ERC1: variants seen among roughly 807,000 people sequenced by gnomAD.
The protein encoded by ERC1 is ELKS/RAB6-interacting/CAST family member 1.
A neutral mutation model predicts 132.0 loss-of-function variants in ERC1; 56 were observed. The observed-to-expected ratio is 0.42, with a 90% confidence interval of 0.34 to 0.53. The LOEUF is 0.53. Among genes scored for constraint, ERC1 ranks in the 20% least tolerant of loss-of-function variants. The pLI, the probability that ERC1 is intolerant of heterozygous loss-of-function variation, is 0.03. For synonymous variants in ERC1, 478 were observed against 476.1 expected (o/e 1.00, Z -0.05); for missense variants, 1,202 against 1,349.9 (o/e 0.89, Z 1.72).
chr12:1,127,184 G>A (rs960135508), intron 7 of ERC1, among the ~76,000 whole-genome samples: 1 of 152,068 alleles, frequency 6.6e-6, no homozygotes, highest in Non-Finnish European at 1.5e-5. Context: ...TCATCAAATT[G>A]ATAAAAATTA....
intron 15 of ERC1, among the ~76,000 whole-genome samples, chr12:1,290,879 AT>A (rs1445909223): frequency 1.3e-5 from 2 of 152,130 alleles, no homozygotes; most frequent in Non-Finnish European, 2.9e-5. Context: ...TCTGTCACAG[AT>A]TTCAAGTCCC....
At chr12:1,053,579 A>G (rs148312744) in intron 2 of ERC1, among the ~76,000 whole-genome samples, 77 of 152,318 alleles carry the variant, frequency 5.1e-4, no homozygotes, top group Middle Eastern at 3.4e-3. Flanking sequence ...TATAGCTTCA[A>G]TTGTCCTCCC....
chr12:1,002,901 C>T (rs984696982), intron 1 of ERC1, among the ~76,000 whole-genome samples: 1 of 151,326 alleles, frequency 6.6e-6, no homozygotes, highest in Non-Finnish European at 1.5e-5. Flanking sequence ...ATGACCCCTT[C>T]TTTGGTTATT....
chr12:1,305,469 C>T (rs2080807999), intron 15 of ERC1, among the ~76,000 whole-genome samples: 1 of 152,142 alleles, frequency 6.6e-6, no homozygotes, highest in African/African-American at 2.4e-5. Flanking sequence ...GGATCTCCTC[C>T]CTAAGGCTTA....
intron 7 of ERC1, 90 bp from the exon 8 acceptor site, chr12:1,141,530 C>A: frequency 9.4e-7 from 1 of 1,066,340 alleles, no homozygotes; most frequent in Non-Finnish European, 1.3e-6. Flanking sequence ...CAAAACTCAA[C>A]CTCTTTATAA....
intron 12 of ERC1, among the ~76,000 whole-genome samples, chr12:1,225,230 G>T (rs530522138): frequency 1.3e-5 from 2 of 151,692 alleles, no homozygotes; most frequent in South Asian, 4.2e-4. Context: ...AGTCTGAGAC[G>T]AGAGGATCAC....
chr12:1,324,542 G>A (rs1002071934), intron 15 of ERC1, among the ~76,000 whole-genome samples: 3 of 152,048 alleles, frequency 2.0e-5, no homozygotes, highest in Non-Finnish European at 4.4e-5. Context: ...CGGTCACTGG[G>A]GTAATCCAGT....
chr12:1,188,088 A>G (rs746820287), intron 11 of ERC1, among the ~76,000 whole-genome samples: 1 of 152,190 alleles, frequency 6.6e-6, no homozygotes, highest in African/African-American at 2.4e-5. Context: ...ATTATTAGAA[A>G]TCAGAATTAT....
At chr12:1,292,306 A>G (rs2079511649) in intron 15 of ERC1, among the ~76,000 whole-genome samples, 1 of 152,192 alleles carries the variant, frequency 6.6e-6, no homozygotes, top group African/African-American at 2.4e-5. Context: ...GAGCTATTCA[A>G]TAGGTAGCCT....
At chr12:1,473,534 G>A (rs1425531251) in intron 18 of ERC1, among the ~76,000 whole-genome samples, 1 of 151,498 alleles carries the variant, frequency 6.6e-6, no homozygotes, top group Admixed American at 6.6e-5. Context: ...GCGGTCTAAG[G>A]CAGGAAGATC....
chr12:1,370,619 CTG>C (rs796770468), intron 15 of ERC1, among the ~76,000 whole-genome samples: 5 of 152,328 alleles, frequency 3.3e-5, no homozygotes, highest in African/African-American at 9.6e-5. Context: ...CTTAAAGTAA[CTG>C]TTTACTTTTC....
intron 1 of ERC1, among the ~76,000 whole-genome samples, chr12:1,007,540 C>CTCTCTCTCTCTCTGTGTGTG (rs1555194875): frequency 0.026 from 3,208 of 122,222 alleles, 77 homozygotes; most frequent in African/African-American, 0.045. Flanking sequence ...CTCTCTCTCT[C>CTCTCTCTCTCTCTGTGTGTG]TGTGTGTGTG....
At chr12:1,390,624 T>G (rs565068052) in intron 16 of ERC1, 1 of 152,338 alleles carries the variant, frequency 6.6e-6, no homozygotes, top group African/African-American at 2.4e-5. Context: ...AAAGGTACTG[T>G]CAGTTCATCT....
chr12:1,038,044 C>CAA (rs879737756), intron 2 of ERC1, among the ~76,000 whole-genome samples: 2 of 114,764 alleles, frequency 1.7e-5, no homozygotes, highest in African/African-American at 3.3e-5. Flanking sequence ...GACTCCGTCT[C>CAA]AAAAAAAAAA....
At chr12:1,189,095 T>C (rs1955435438) in intron 11 of ERC1, among the ~76,000 whole-genome samples, 1 of 152,162 alleles carries the variant, frequency 6.6e-6, no homozygotes, top group African/African-American at 2.4e-5. Flanking sequence ...TTTTTTCCAA[T>C]AGAGATGGGG....
chr12:1,342,898 G>C (rs958540732), intron 15 of ERC1, among the ~76,000 whole-genome samples: 1 of 152,124 alleles, frequency 6.6e-6, no homozygotes, highest in Admixed American at 6.5e-5. Flanking sequence ...CAGGAAGATC[G>C]TGCTGACCCT....
intron 1 of ERC1, chr12:998,333 A>G (rs1297259904): frequency 1.3e-5 from 2 of 152,196 alleles, no homozygotes; most frequent in Admixed American, 6.5e-5. Flanking sequence ...GATTTTGTAG[A>G]TCAGGAATGT....
chr12:1,443,825 AG>A (rs1743382597), intron 17 of ERC1: 1 of 152,282 alleles, frequency 6.6e-6, no homozygotes, highest in South Asian at 2.1e-4. Context: ...AGCAGGGGAA[AG>A]GAATGAGAAA....
At chr12:1,392,646 T>C (rs569310749) in intron 16 of ERC1, among the ~76,000 whole-genome samples, 40 of 152,198 alleles carry the variant, frequency 2.6e-4, no homozygotes, top group Middle Eastern at 3.2e-3. Flanking sequence ...AATCTATACC[T>C]GATACTTGTA....
Sources: gnomAD v4.1 joint callset for allele counts (sites outside exome capture counted in the v4.1 genomes callset) on GRCh38, gnomAD v4.1.1 for gene constraint, MANE v1.5 for transcripts, NCBI Gene and HGNC (gene_info 2026-07-23, HGNC 2026-07-21) for gene names.